BABAM2: variants seen among roughly 807,000 people sequenced by gnomAD.
BABAM2 encodes BRISC and BRCA1 A complex member 2.
In BABAM2, 31 loss-of-function variants were observed where a neutral mutation model predicts 54.7. The observed-to-expected ratio is 0.57, with a 90% CI of 0.43 to 0.77. The LOEUF (loss-of-function observed/expected upper bound fraction) is 0.77. Ranked by LOEUF, BABAM2 falls within the 30% of genes least tolerant of loss-of-function variation. The probability of loss-of-function intolerance (pLI) is 0.00; values close to 1 mark genes in which losing one functional copy is unlikely to be tolerated. For missense variants in BABAM2, 364 were observed against 455.8 expected (o/e 0.80, Z 1.83); for synonymous variants, 167 against 162.9 (o/e 1.03, Z -0.19).
At chr2:28,295,060 A>G (rs905489411) in intron 10 of BABAM2, among the ~76,000 whole-genome samples, 3 of 152,200 alleles carry the variant, frequency 2.0e-5, no homozygotes, top group Non-Finnish European at 4.4e-5. Flanking sequence ...AGGTAGATAC[A>G]TTTCCTTCAT....
chr2:27,993,476 A>AAG (rs1409689203), intron 4 of BABAM2, among the ~76,000 whole-genome samples: 2 of 152,208 alleles, frequency 1.3e-5, no homozygotes, highest in African/African-American at 4.8e-5. Context: ...TATGATTTTC[A>AAG]GCCTTTGTTT....
intron 1 of BABAM2, among the ~76,000 whole-genome samples, chr2:27,891,810 G>A (rs1431109452): frequency 6.6e-6 from 1 of 151,082 alleles, no homozygotes; most frequent in African/African-American, 2.4e-5. Context: ...CCTGGAAATA[G>A]AATTCATTCC....
intron 3 of BABAM2, among the ~76,000 whole-genome samples, chr2:27,948,730 CA>C (rs1436167626): frequency 1.3e-5 from 2 of 152,004 alleles, no homozygotes; most frequent in Admixed American, 1.3e-4. Context: ...GAAATCACGC[CA>C]CTGCACTCCA....
intron 7 of BABAM2, among the ~76,000 whole-genome samples, chr2:28,225,123 G>A (rs918804775): frequency 6.6e-6 from 1 of 152,234 alleles, no homozygotes; most frequent in African/African-American, 2.4e-5. Flanking sequence ...CTGAAGCCTG[G>A]ATAAAGGCTG....
chr2:28,277,731 A>G (rs1038458915), intron 10 of BABAM2, among the ~76,000 whole-genome samples: 1 of 152,148 alleles, frequency 6.6e-6, no homozygotes, highest in South Asian at 2.1e-4. Context: ...GTCTGGTCCT[A>G]TTGTTAAGGA....
intron 7 of BABAM2, among the ~76,000 whole-genome samples, chr2:28,201,178 T>C (rs1678233338): frequency 6.6e-6 from 1 of 152,204 alleles, no homozygotes; most frequent in African/African-American, 2.4e-5. Flanking sequence ...TTGTGTGGTA[T>C]TAAATTGTTT....
intron 6 of BABAM2, among the ~76,000 whole-genome samples, chr2:28,089,088 C>T (rs1178997820): frequency 1.3e-5 from 2 of 151,600 alleles, no homozygotes; most frequent in East Asian, 1.9e-4. Flanking sequence ...GTGGTCAAAA[C>T]GTCATTTCAT....
At chr2:27,962,317 G>A (rs938330225) in intron 3 of BABAM2, among the ~76,000 whole-genome samples, 2 of 152,004 alleles carry the variant, frequency 1.3e-5, no homozygotes, top group East Asian at 3.9e-4. Flanking sequence ...TATTGCCTAG[G>A]GTGGTCTCTA....
At chr2:28,097,500 C>G (rs1666731122) in intron 6 of BABAM2, among the ~76,000 whole-genome samples, 1 of 152,142 alleles carries the variant, frequency 6.6e-6, no homozygotes, top group Non-Finnish European at 1.5e-5. Flanking sequence ...TCTCTTTGGA[C>G]CACTTTTTCA....
At chr2:28,144,545 A>T (rs1276017798) in intron 7 of BABAM2, among the ~76,000 whole-genome samples, 1 of 152,204 alleles carries the variant, frequency 6.6e-6, no homozygotes, top group Non-Finnish European at 1.5e-5. Flanking sequence ...CAGAACATGC[A>T]TGGACTTGCT....
At chr2:28,335,063 G>A (rs954546463) in intron 11 of BABAM2, among the ~76,000 whole-genome samples, 1 of 151,406 alleles carries the variant, frequency 6.6e-6, no homozygotes, top group African/African-American at 2.4e-5. Context: ...TGTTGGCAAA[G>A]TTTGAAATTT....
chr2:27,930,258 G>C (rs1667994542), intron 3 of BABAM2: 1 of 196,556 alleles, frequency 5.1e-6, no homozygotes, highest in South Asian at 8.4e-5. Context: ...GGTAGGAGTG[G>C]CTGCTGTCCA....
chr2:28,316,670 A>G (rs190299068), intron 11 of BABAM2, among the ~76,000 whole-genome samples: 6 of 152,270 alleles, frequency 3.9e-5, no homozygotes, highest in African/African-American at 1.4e-4. Context: ...CTCAGGGCAG[A>G]GCATCCTCTT....
intron 10 of BABAM2, among the ~76,000 whole-genome samples, chr2:28,260,191 C>A (rs1180306032): frequency 6.6e-6 from 1 of 151,998 alleles, no homozygotes; most frequent in Non-Finnish European, 1.5e-5. Flanking sequence ...CCACCACACC[C>A]AGCCTTCTGA....
chr2:28,330,101 A>T (rs1270972121), intron 11 of BABAM2, among the ~76,000 whole-genome samples: 2 of 152,246 alleles, frequency 1.3e-5, no homozygotes, highest in East Asian at 3.8e-4. Context: ...ATCTCAATAG[A>T]TGCAGAAAAG....
chr2:28,119,378 A>T (rs1363887623), intron 6 of BABAM2, among the ~76,000 whole-genome samples: 1 of 152,166 alleles, frequency 6.6e-6, no homozygotes, highest in Non-Finnish European at 1.5e-5. Flanking sequence ...CTATACTACA[A>T]AGGATTCCCC....
At chr2:28,299,707 A>G (rs1687963321) in intron 11 of BABAM2, among the ~76,000 whole-genome samples, 1 of 152,168 alleles carries the variant, frequency 6.6e-6, no homozygotes, top group South Asian at 2.1e-4. Context: ...TAAAGCCTTT[A>G]TCATATGAAA....
intron 7 of BABAM2, among the ~76,000 whole-genome samples, chr2:28,142,685 C>T (rs1671164596): frequency 6.6e-6 from 1 of 152,044 alleles, no homozygotes; most frequent in Non-Finnish European, 1.5e-5. Flanking sequence ...ATAACACTTC[C>T]ATGTTTTCAT....
At chr2:27,980,830 G>C (rs1020720597) in intron 3 of BABAM2, among the ~76,000 whole-genome samples, 6 of 151,822 alleles carry the variant, frequency 4.0e-5, no homozygotes, top group African/African-American at 1.5e-4. Flanking sequence ...TCTAGTGTTT[G>C]GCAGCACAAT....
Sources: gnomAD v4.1 joint callset for allele counts (sites outside exome capture counted in the v4.1 genomes callset) on GRCh38, gnomAD v4.1.1 for gene constraint, MANE v1.5 for transcripts, NCBI Gene and HGNC (gene_info 2026-07-23, HGNC 2026-07-21) for gene names.